The following DLG2 variants were observed in gnomAD, a reference collection of about 807,000 sequenced individuals.
DLG2 encodes disks large homolog 2.
Under a neutral mutation model 132.5 loss-of-function variants are expected in DLG2, and 45 were observed. The observed-to-expected ratio is 0.34, with a 90% CI of 0.27 to 0.44. The LOEUF is 0.44. Ranked by LOEUF, DLG2 falls within the 20% of genes least tolerant of loss-of-function variation. The probability of loss-of-function intolerance (pLI) is 1.00; values close to 1 mark genes in which losing one functional copy is unlikely to be tolerated. For synonymous variants in DLG2, 424 were observed against 419.6 expected (o/e 1.01, Z -0.13); for missense variants, 1,045 against 1,196.9 (o/e 0.87, Z 1.87).
chr11:85,247,749 G>A (rs1317123423), intron 4 of DLG2, among the ~76,000 whole-genome samples: 3 of 152,010 alleles, frequency 2.0e-5, no homozygotes, highest in African/African-American at 7.2e-5. Flanking sequence ...CAAAGAGACT[G>A]AAGGCTTAGC....
At chr11:84,378,624 T>C (rs998008462) in intron 7 of DLG2, among the ~76,000 whole-genome samples, 34 of 151,992 alleles carry the variant, frequency 2.2e-4, no homozygotes, top group Admixed American at 9.2e-4. Flanking sequence ...CTGTGTGTTC[T>C]AAAAACCACC....
chr11:84,466,203 A>C (rs2099093937), intron 7 of DLG2, among the ~76,000 whole-genome samples: 1 of 151,292 alleles, frequency 6.6e-6, no homozygotes, highest in Non-Finnish European at 1.5e-5. Flanking sequence ...ATAGAATTGG[A>C]TGTTAAATAA....
chr11:84,001,002 G>A (rs2094317551), intron 11 of DLG2, among the ~76,000 whole-genome samples: 1 of 151,404 alleles, frequency 6.6e-6, no homozygotes, highest in South Asian at 2.1e-4. Context: ...AAACCAAAAT[G>A]GAAAACAATA....
chr11:85,267,597 A>G (rs1362632990), intron 4 of DLG2, among the ~76,000 whole-genome samples: 3 of 152,170 alleles, frequency 2.0e-5, no homozygotes. Context: ...AAACCAACTC[A>G]AACTAGACAA....
intron 7 of DLG2, among the ~76,000 whole-genome samples, chr11:84,402,751 G>T (rs1049194941): frequency 2.6e-5 from 4 of 151,734 alleles, no homozygotes; most frequent in African/African-American, 9.7e-5. Context: ...GTGAGGTGGC[G>T]GGCGCCTGTA....
chr11:84,821,023 T>C (rs2077610972), intron 6 of DLG2, among the ~76,000 whole-genome samples: 1 of 151,770 alleles, frequency 6.6e-6, no homozygotes, highest in African/African-American at 2.4e-5. Flanking sequence ...TAGATTATAA[T>C]AGAATGAATG....
At chr11:85,108,905 A>C (rs1235084514) in intron 6 of DLG2, among the ~76,000 whole-genome samples, 1 of 152,144 alleles carries the variant, frequency 6.6e-6, no homozygotes, top group Non-Finnish European at 1.5e-5. Context: ...GAGAGTTTTG[A>C]GTACATAATA....
intron 18 of DLG2, among the ~76,000 whole-genome samples, chr11:83,735,786 C>G (rs547069285): frequency 4.6e-5 from 7 of 152,192 alleles, no homozygotes; most frequent in Non-Finnish European, 1.0e-4. Flanking sequence ...ATGGTTCACC[C>G]TTTCTAAGTG....
At chr11:84,307,947 G>C (rs1163026238) in intron 7 of DLG2, among the ~76,000 whole-genome samples, 1 of 152,172 alleles carries the variant, frequency 6.6e-6, no homozygotes, top group East Asian at 1.9e-4. Flanking sequence ...CCTGGCTTCA[G>C]GAGTGAAGTT....
At chr11:83,833,333 G>A (rs1425423549) in intron 17 of DLG2, among the ~76,000 whole-genome samples, 1 of 152,156 alleles carries the variant, frequency 6.6e-6, no homozygotes, top group Non-Finnish European at 1.5e-5. Flanking sequence ...AGCTACTCAG[G>A]AGGCTGAGGC....
rs141998865 is a variant in DLG2, at chr11:84,947,969, A to C, written c.357+163692T>G. 2.6e-3 allele frequency among the ~76,000 whole-genome samples: 390 copies of C among 152,356 alleles called. 3 individuals carry two copies. The highest frequency in any genetic ancestry group is 8.7e-3 in the African/African-American group (362 of 41,586). ...AATGATAGGTAACAAAGAGAAGTGTACTGGGCCGTTAGGTAGCTAACTTCC... is the reference window on the plus strand; with the variant it reads ...AATGATAGGTAACAAAGAGAAGTGTCCTGGGCCGTTAGGTAGCTAACTTCC... On this transcript the variant is annotated intron_variant, in intron 6 of 27. Coordinates refer to ENST00000376104, the MANE Select transcript of DLG2 (RefSeq NM_001142699.3).
chr11:84,447,221 C>T (rs889288714), intron 7 of DLG2, among the ~76,000 whole-genome samples: 12 of 152,172 alleles, frequency 7.9e-5, no homozygotes, highest in South Asian at 2.1e-4. Flanking sequence ...GGGGTAATAA[C>T]GGAAACTATG....
chr11:83,640,324 G>A (rs963832800), intron 18 of DLG2, among the ~76,000 whole-genome samples: 4 of 152,112 alleles, frequency 2.6e-5, no homozygotes, highest in African/African-American at 9.7e-5. Flanking sequence ...AATATGGCTG[G>A]GGTAAATGTC....
intron 17 of DLG2, among the ~76,000 whole-genome samples, chr11:83,798,418 A>T (rs1287758131): frequency 1.3e-5 from 2 of 152,238 alleles, no homozygotes; most frequent in Non-Finnish European, 2.9e-5. Context: ...TAGCATATCC[A>T]TTATCTATGT....
chr11:85,156,710 A>T (rs1009801271), intron 4 of DLG2, among the ~76,000 whole-genome samples: 1 of 152,206 alleles, frequency 6.6e-6, no homozygotes, highest in Admixed American at 6.5e-5. Context: ...AATTGGATCC[A>T]TCATCATACT....
chr11:84,362,883 C>T (rs1245847534), intron 7 of DLG2, among the ~76,000 whole-genome samples: 1 of 152,090 alleles, frequency 6.6e-6, no homozygotes, highest in Non-Finnish European at 1.5e-5. Context: ...TGTATATGTG[C>T]CATATTTTCT....
intron 6 of DLG2, among the ~76,000 whole-genome samples, chr11:84,644,435 G>A (rs548014581): frequency 9.2e-5 from 14 of 152,118 alleles, no homozygotes; most frequent in African/African-American, 1.9e-4. Flanking sequence ...GGCCGGGCGC[G>A]GTGGCTCACA....
intron 7 of DLG2, among the ~76,000 whole-genome samples, chr11:84,507,529 G>A (rs2099244885): frequency 6.6e-6 from 1 of 152,080 alleles, no homozygotes; most frequent in Admixed American, 6.6e-5. Context: ...AATAAAAACT[G>A]GGCATCCTTG....
At chr11:84,259,472 C>T (rs114042351) in intron 7 of DLG2, among the ~76,000 whole-genome samples, 20 of 152,146 alleles carry the variant, frequency 1.3e-4, no homozygotes, top group African/African-American at 4.3e-4. Flanking sequence ...CCCTGCTCTA[C>T]GGAGACATAA....
Sources: allele counts gnomAD v4.1 joint callset (sites outside exome capture counted in the v4.1 genomes callset), GRCh38; gene constraint gnomAD v4.1.1; transcripts MANE v1.5; gene names NCBI Gene and HGNC (gene_info 2026-07-23, HGNC 2026-07-21).